WRN: variants seen among roughly 807,000 people sequenced by gnomAD.
The protein encoded by WRN is WRN RecQ like helicase, also known as bifunctional 3'-5' exonuclease/ATP-dependent helicase WRN.
In WRN, 149 loss-of-function variants were observed where a neutral mutation model predicts 180.7. That is an observed-to-expected ratio of 0.82 (90% confidence interval 0.72 to 0.94). The LOEUF (loss-of-function observed/expected upper bound fraction) is 0.94, where lower values mean the gene tolerates loss of function less well. WRN is among the 40% of genes least tolerant of loss of function. The pLI is 0.00. For missense variants in WRN, 1,661 were observed against 1,700.1 expected, an observed-to-expected ratio of 0.98 and a Z score of 0.40; for synonymous variants, 548 against 568.9, an observed-to-expected ratio of 0.96 and a Z score of 0.52.
Position 31,111,595 on chromosome 8 carries a change from A to G in WRN, c.2089-20A>G, listed in dbSNP as rs1261360677. On this transcript the variant is annotated intron_variant, in intron 18 of 34. Transcript: ENST00000298139. ...GAATGAGCTCTTTCCTTTTTAAAAT[A>G]TCAGTTTTACATCATTCAGGTTCCA... The G allele has an allele frequency of 4.3e-6, 7 of 1,613,430 alleles. No individual in the cohort carries two copies. Among genetic ancestry groups the G allele is most frequent in the Middle Eastern group, 1.6e-4 (1 of 6,072 alleles).
chr8:31,111,862 TGTA>T, intron 19 of WRN, 63 bp downstream of exon 19: 3 of 1,552,508 alleles, frequency 1.9e-6, no homozygotes, highest in Non-Finnish European at 1.8e-6. Context: ...TAACAACTTA[TGTA>T]TTTTATGTTA....
rs1171076741 is a variant in WRN at position 31,116,244 on chromosome 8, A to G, written c.2274-110A>G. 3.6e-6 allele frequency: 4 copies of G among 1,100,740 alleles called. No homozygotes were observed. In the African/African-American group the frequency reaches 4.8e-5, roughly 13 times the overall value. 68.2% of individuals were successfully genotyped at this position (1,100,740 alleles called of 1,614,324 possible). On this transcript the variant is annotated intron_variant, in intron 19 of 34. Transcript: ENST00000298139. ...TATTTTTGATAGGCTTTCTTCCTTT[A>G]GTCTTTTCTTTAGAAGGTAGAAAGG... is the stretch of plus-strand genomic sequence containing the variant.
At chr8:31,169,860 A>G (rs1477274569) in intron 34 of WRN, among the ~76,000 whole-genome samples, 1 of 149,962 alleles carries the variant, frequency 6.7e-6, no homozygotes, top group African/African-American at 2.5e-5. Flanking sequence ...AGCCTCGGCT[A>G]GTCCCAGGGT....
intron 24 of WRN, among the ~76,000 whole-genome samples, chr8:31,136,837 G>A (rs73230767): frequency 1.0e-3 from 37 of 36,158 alleles, no homozygotes; most frequent in Middle Eastern, 0.013. Flanking sequence ...ACCCTGTCTC[G>A]AATGAATGAA....
intron 1 of WRN, among the ~76,000 whole-genome samples, chr8:31,054,542 C>T (rs1430087509): frequency 1.3e-5 from 2 of 151,756 alleles, no homozygotes; most frequent in Non-Finnish European, 2.9e-5. Flanking sequence ...AATTAAGCAA[C>T]AAAACAACAA....
intron 9 of WRN, among the ~76,000 whole-genome samples, chr8:31,082,146 A>G (rs1362067129): frequency 6.6e-6 from 1 of 152,120 alleles, no homozygotes; most frequent in Non-Finnish European, 1.5e-5. Flanking sequence ...CTGTCATCTC[A>G]GAGTCAGATT....
At chr8:31,074,019 C>T (rs1813007997) in intron 7 of WRN, among the ~76,000 whole-genome samples, 1 of 151,858 alleles carries the variant, frequency 6.6e-6, no homozygotes, top group Non-Finnish European at 1.5e-5. Flanking sequence ...CAGGTTCACA[C>T]TATTCTCCTG....
At chr8:31,112,673 A>G (rs1423471266) in intron 19 of WRN, among the ~76,000 whole-genome samples, 3 of 151,598 alleles carry the variant, frequency 2.0e-5, no homozygotes, top group Admixed American at 2.0e-4. Context: ...TACAACTTCC[A>G]CCTCCTGGGT....
chr8:31,168,031 G>A (rs1292215113), intron 34 of WRN, among the ~76,000 whole-genome samples: 1 of 152,168 alleles, frequency 6.6e-6, no homozygotes, highest in East Asian at 1.9e-4. Flanking sequence ...ATTACACTTA[G>A]TTCTAAGGTA....
In WRN at chr8:31,173,062, A is replaced by G; in HGVS notation, c.4259A>G (p.Lys1420Arg). Residue 1420 changes from lysine to arginine, a missense_variant, in exon 35 of 35, where the codon AAA becomes AGA. This residue lies in a region of WRN where 1,141 missense variants were observed against 1,149.4 expected (regional missense o/e 0.99). Transcript: ENST00000298139. ...GCCAAAGGAAGTGATACCAGCAAGAAATTAATGGACAAAACGAAAAGGGGA... is the reference window on the plus strand; with the variant it reads ...GCCAAAGGAAGTGATACCAGCAAGAGATTAATGGACAAAACGAAAAGGGGA... ...WFAKGSDTSK[K>R]LMDKTKRGGL... is the part of the protein sequence containing the mutation. 6.2e-7 allele frequency: 1 copy of G among 1,614,042 alleles called. No homozygotes were observed. The highest frequency in any genetic ancestry group is 8.5e-7 in the Non-Finnish European group (1 of 1,179,960).
chr8:31,103,569 G>GTTTTA (rs144369410), intron 18 of WRN, among the ~76,000 whole-genome samples: 4 of 151,360 alleles, frequency 2.6e-5, no homozygotes, highest in African/African-American at 9.7e-5. Context: ...ACTATTTTTC[G>GTTTTA]GTGGTCTGTT....
intron 24 of WRN, among the ~76,000 whole-genome samples, chr8:31,134,265 T>C (rs1329321883): frequency 6.6e-6 from 1 of 152,162 alleles, no homozygotes; most frequent in African/African-American, 2.4e-5. Flanking sequence ...AAAATTAATA[T>C]CTTTGTACAT....
chr8:31,096,975 C>G (rs1021300714), intron 17 of WRN, 125 bp downstream of exon 17: 13 of 881,630 alleles, frequency 1.5e-5, no homozygotes, highest in African/African-American at 3.3e-5. Context: ...TCCAGGAAAT[C>G]TCTGACTCTC....
In WRN at chr8:31,124,617, G is replaced by A. The variant is rs754965109; in HGVS notation, c.2726G>A (p.Arg909Lys). The change falls in exon 22 of 35, where the codon AGG becomes AAG. Residue 909 changes from arginine to lysine, a missense_variant. This residue lies in a region of WRN where 1,141 missense variants were observed against 1,149.4 expected (regional missense o/e 0.99). Coordinates refer to ENST00000298139, the MANE Select transcript of WRN (RefSeq NM_000553.6). ...AAATATCTTCATTCTAGCAGATGTA[G>A]GAGACAGTATGTATTATTTATTTTA... Reference protein sequence around the residue: ...MEKYLHSSRCRRQIILSHFED... With the variant: ...MEKYLHSSRCKRQIILSHFED... 1.9e-6 allele frequency: 3 copies of A among 1,607,722 alleles called. No individual in the cohort carries two copies. Among genetic ancestry groups the A allele is most frequent in the Non-Finnish European group, 2.6e-6 (3 of 1,174,606 alleles).
rs185159722 is a variant in WRN, at chr8:31,123,950, G to A, written c.2631-572G>A. ...TATGGCAAACAAATCAGTTATAATC[G>A]ATTGAGAAAGGAACTTAATTCTAAT... On this transcript the variant is annotated intron_variant, in intron 21 of 34. Transcript: ENST00000298139. Among the ~76,000 whole-genome samples the A allele has an allele frequency of 1.8e-4, 27 of 152,014 alleles. No homozygotes were observed. In the South Asian group the frequency reaches 3.3e-3, roughly 19 times the overall value.
At chr8:31,037,741 T>C (rs1411898273) in intron 1 of WRN, among the ~76,000 whole-genome samples, 1 of 152,210 alleles carries the variant, frequency 6.6e-6, no homozygotes, top group East Asian at 1.9e-4. Context: ...TGTTCTATTA[T>C]CTGTGTGTCT....
intron 34 of WRN, among the ~76,000 whole-genome samples, chr8:31,170,218 G>C (rs995802269): frequency 6.6e-6 from 1 of 151,986 alleles, no homozygotes; most frequent in African/African-American, 2.4e-5. Context: ...TTACTATCTA[G>C]TTCTGTCTTA....
intron 11 of WRN, chr8:31,087,510 A>G (rs1813577981): frequency 2.9e-6 from 1 of 349,882 alleles, no homozygotes; most frequent in Non-Finnish European, 5.3e-6. Flanking sequence ...AAAATTTATG[A>G]TAGCTTTCCC....
chr8:31,150,357 A>C lies in WRN; in HGVS notation c.3589A>C (p.Asn1197His), dbSNP rs1480573176. The C allele has an allele frequency of 1.2e-6, 2 of 1,614,092 alleles. No homozygotes were observed. Among genetic ancestry groups the C allele is most frequent in the Non-Finnish European group, 1.7e-6 (2 of 1,179,998 alleles). The change falls in exon 31 of 35, where the codon AAC becomes CAC. Residue 1197 changes from asparagine (N) to histidine (H), a missense_variant. Around this residue, in one of 3 missense-constraint regions of WRN, gnomAD observed 1,141 missense variants for 1,149.4 expected, o/e 0.99. Coordinates refer to ENST00000298139, the MANE Select transcript of WRN (RefSeq NM_000553.6). Reference protein sequence around the residue: ...MAKMRPTTVENVKRIDGVSEG... With the variant: ...MAKMRPTTVEHVKRIDGVSEG... ...TAAACACAGACCAACTACGGTTGAA[A>C]ACGTAAAAAGGATTGATGGTGTTTC...
Sources: allele counts gnomAD v4.1 joint callset (sites outside exome capture counted in the v4.1 genomes callset), GRCh38; gene constraint gnomAD v4.1.1; regional missense constraint gnomAD v4.1.1; transcripts MANE v1.5; gene names NCBI Gene and HGNC (gene_info 2026-07-23, HGNC 2026-07-21).